Variants in IL20RB observed in about 807,000 individuals in gnomAD.
IL20RB encodes the protein interleukin-20 receptor subunit beta.
IL20RB carries 21 observed loss-of-function variants against 33.3 expected under a neutral mutation model. The ratio of observed to expected loss-of-function variants is 0.63; its 90% CI spans 0.45 to 0.91. The LOEUF (loss-of-function observed/expected upper bound fraction) is 0.91, where lower values mean the gene tolerates loss of function less well. Among genes scored for constraint, IL20RB ranks in the 40% least tolerant of loss-of-function variants. The pLI, the probability that IL20RB is intolerant of heterozygous loss-of-function variation, is 0.00. For synonymous variants in IL20RB, 147 were observed against 146.8 expected (o/e 1.00, Z -0.01); for missense variants, 345 against 384.8 (o/e 0.90, Z 0.86).
At chr3:136,967,150 G>T (rs1272971283) in intron 1 of IL20RB, among the ~76,000 whole-genome samples, 1 of 146,612 alleles carries the variant, frequency 6.8e-6, no homozygotes, top group Admixed American at 6.9e-5. Context: ...GTGTGGTGTG[G>T]TGCTGAAAAA....
At chr3:136,993,292 C>T (rs752620381) in intron 5 of IL20RB, among the ~76,000 whole-genome samples, 9 of 152,144 alleles carry the variant, frequency 5.9e-5, no homozygotes, top group Non-Finnish European at 1.0e-4. Context: ...ATCTTCCAGG[C>T]GTTGTCTGTG....
chr3:136,978,753 C>T (rs919712553), intron 1 of IL20RB, among the ~76,000 whole-genome samples: 2 of 152,064 alleles, frequency 1.3e-5, no homozygotes, highest in Non-Finnish European at 2.9e-5. Context: ...TTTTCCTCAT[C>T]TGATTTTGGT....
intron 4 of IL20RB, 24 bp downstream of exon 4, chr3:136,989,589 G>A: frequency 6.2e-7 from 1 of 1,612,766 alleles, no homozygotes; most frequent in Non-Finnish European, 8.5e-7. Context: ...CTTGGCCTTT[G>A]GGTCAGGCTT....
intron 1 of IL20RB, among the ~76,000 whole-genome samples, chr3:136,973,306 C>G (rs1474970770): frequency 6.6e-6 from 1 of 151,326 alleles, no homozygotes; most frequent in East Asian, 1.9e-4. Flanking sequence ...AGGGTGAAAC[C>G]CTGTCTCTAC....
At chr3:137,007,573 A>G (rs1932938282) in intron 6 of IL20RB, among the ~76,000 whole-genome samples, 1 of 152,234 alleles carries the variant, frequency 6.6e-6, no homozygotes, top group Non-Finnish European at 1.5e-5. Flanking sequence ...GCAAGGCTCC[A>G]TGGGCATGAG....
rs189918669 is a variant in IL20RB, at chr3:136,959,740, A to G, written c.88+1539A>G. On this transcript the variant is annotated intron_variant, in intron 1 of 6. Transcript: ENST00000329582. ...TAGAAAACACACACACACCAAAAAAACCTCAGTGGTGAAATCACAAGGATG... is the reference window on the plus strand; with the variant it reads ...TAGAAAACACACACACACCAAAAAAGCCTCAGTGGTGAAATCACAAGGATG... Among the ~76,000 whole-genome samples the G allele has an allele frequency of 6.8e-4, 104 of 152,298 alleles. 1 individual carries two copies. Among genetic ancestry groups the G allele is most frequent in the African/African-American group, 2.4e-3 (101 of 41,570 alleles).
chr3:137,010,191 C>A lies in IL20RB; in HGVS notation c.904C>A (p.Pro302Thr). The change falls in exon 7 of 7, where the codon CCT becomes ACT. Residue 302 changes from proline to threonine, a missense_variant. By Grantham distance (38) the Pro-to-Thr change is conservative. Transcript: ENST00000329582. ...TGCCTGTGCCACGGCTGTGATGTCT[C>A]CTGAGGAACTCCTCAGGGCCTGGAT... The part of the protein sequence containing the change: ...VDACATAVMS[P>T]EELLRAWIS 1 of 1,599,842 alleles carries A rather than the reference C, an allele frequency of 6.3e-7. No homozygotes were observed. The highest frequency in any genetic ancestry group is 1.3e-5 in the African/African-American group (1 of 74,722).
rs143195583 is a variant in IL20RB at position 136,996,513 on chromosome 3, T to C, written c.825+957T>C. 1.5e-3 allele frequency among the ~76,000 whole-genome samples: 223 copies of C among 152,276 alleles called. 1 individual carries two copies. The highest frequency in any genetic ancestry group is 0.012 in the South Asian group (56 of 4,822). On this transcript the variant is annotated intron_variant, in intron 6 of 6. Coordinates refer to ENST00000329582, the MANE Select transcript of IL20RB (RefSeq NM_144717.4). ...GCTCCTTATCAGCCTGGAGTCACTC[T>C]TTCTGAAAGGAGTCATCCTTGTGAC...
At chr3:136,971,864 G>A (rs1941495076) in intron 1 of IL20RB, among the ~76,000 whole-genome samples, 1 of 152,188 alleles carries the variant, frequency 6.6e-6, no homozygotes, top group Non-Finnish European at 1.5e-5. Flanking sequence ...TAGTGGGGTG[G>A]CTGGATGGAA....
At chr3:136,995,727 G>A (rs1942114718) in intron 6 of IL20RB, among the ~76,000 whole-genome samples, 171 bp downstream of exon 6, 1 of 152,172 alleles carries the variant, frequency 6.6e-6, no homozygotes, top group Admixed American at 6.5e-5. Context: ...AGAGGTACTG[G>A]AAGAAATCTC....
chr3:136,988,039 T>G (rs1213644565), intron 3 of IL20RB, among the ~76,000 whole-genome samples: 1 of 152,186 alleles, frequency 6.6e-6, no homozygotes, highest in East Asian at 1.9e-4. Flanking sequence ...GCTCCCGCAG[T>G]GCAGCGGTGG....
At chr3:136,973,097 G>A (rs1482982166) in intron 1 of IL20RB, among the ~76,000 whole-genome samples, 2 of 152,086 alleles carry the variant, frequency 1.3e-5, no homozygotes, top group African/African-American at 4.8e-5. Context: ...TACTTAAACT[G>A]GACTTTACAC....
At chr3:136,976,830 A>T (rs1941630066) in intron 1 of IL20RB, among the ~76,000 whole-genome samples, 1 of 152,190 alleles carries the variant, frequency 6.6e-6, no homozygotes, top group Non-Finnish European at 1.5e-5. Context: ...GGGACGCAGC[A>T]TGAGTTCCCT....
chr3:136,993,458 C>T (rs1227454355), intron 5 of IL20RB, among the ~76,000 whole-genome samples: 1 of 152,118 alleles, frequency 6.6e-6, no homozygotes, highest in African/African-American at 2.4e-5. Context: ...TTCTAGGGTA[C>T]ATGTGCACAA....
intron 6 of IL20RB, 62 bp downstream of exon 6, chr3:136,995,618 G>A (rs1942112485): frequency 6.6e-7 from 1 of 1,514,258 alleles, no homozygotes; most frequent in Non-Finnish European, 9.1e-7. Context: ...TTGGGCCTTA[G>A]CTGGGCATGG....
chr3:136,982,002 A>C, intron 2 of IL20RB, 158 bp from the exon 3 acceptor site: 1 of 463,406 alleles, frequency 2.2e-6, no homozygotes. Flanking sequence ...GGGACGATGG[A>C]TGGTTGGTAG....
At chr3:136,972,753 T>C (rs573522109) in intron 1 of IL20RB, among the ~76,000 whole-genome samples, 1 of 152,020 alleles carries the variant, frequency 6.6e-6, no homozygotes, top group African/African-American at 2.4e-5. Flanking sequence ...TTTTTTTTTT[T>C]CATTTTCTTG....
At chr3:136,978,557 T>G (rs935831526) in intron 1 of IL20RB, among the ~76,000 whole-genome samples, 2 of 152,204 alleles carry the variant, frequency 1.3e-5, no homozygotes, top group Non-Finnish European at 2.9e-5. Context: ...ATTCTTTAGT[T>G]TATCGACATG....
intron 6 of IL20RB, among the ~76,000 whole-genome samples, chr3:137,000,085 A>G (rs1942211431): frequency 6.6e-6 from 1 of 152,222 alleles, no homozygotes; most frequent in Non-Finnish European, 1.5e-5. Context: ...TATTGCCAAC[A>G]ATATGTTATA....
Sources: gnomAD v4.1 joint callset for allele counts (sites outside exome capture counted in the v4.1 genomes callset) on GRCh38, gnomAD v4.1.1 for gene constraint, MANE v1.5 for transcripts, NCBI Gene and HGNC (gene_info 2026-07-23, HGNC 2026-07-21) for gene names.